LINGO2: variants seen among roughly 807,000 people sequenced by gnomAD.
LINGO2 encodes leucine-rich repeat and immunoglobulin-like domain-containing nogo receptor-interacting protein 2.
Under a neutral mutation model 30.6 loss-of-function variants are expected in LINGO2, and 14 were observed. The observed-to-expected ratio is 0.46, with a 90% CI of 0.30 to 0.72. LINGO2 has a LOEUF of 0.72. Among genes scored for constraint, LINGO2 ranks in the 30% least tolerant of loss-of-function variants. The pLI, the probability that LINGO2 is intolerant of heterozygous loss-of-function variation, is 0.07. For synonymous variants in LINGO2, 317 were observed against 288.5 expected, an observed-to-expected ratio of 1.10 and a Z score of -1.00; for missense variants, 729 against 751.7, an observed-to-expected ratio of 0.97 and a Z score of 0.35.
At chr9:29,183,969 T>C in the LINGO2 span, among the ~76,000 whole-genome samples, 1 of 152,080 alleles carries the variant, frequency 6.6e-6, no homozygotes, top group Non-Finnish European at 1.5e-5. Context: ...ATATTTAACA[T>C]CCGGAGTGCT....
intron 1 of LINGO2, among the ~76,000 whole-genome samples, chr9:28,492,968 G>T (rs994514190): frequency 6.6e-6 from 1 of 152,102 alleles, no homozygotes; most frequent in African/African-American, 2.4e-5. Context: ...TATTTTATTG[G>T]TGTAGGTACA....
intron 3 of LINGO2, among the ~76,000 whole-genome samples, chr9:28,346,092 A>G (rs1310852133): frequency 2.0e-5 from 3 of 152,198 alleles, no homozygotes; most frequent in Non-Finnish European, 4.4e-5. Context: ...GTTCAGGGGT[A>G]CATGTGCAGG....
In LINGO2 at chr9:28,662,621, T is replaced by C. The variant is rs146917655; in HGVS notation, c.-365+7579A>G. On this transcript the variant is annotated intron_variant, in intron 1 of 5. Transcript: ENST00000379992. ...TAATATATTGTTCTTATCTATTGTG[T>C]GATCTTAGGCAACTTAATCTCTTTA... Among the ~76,000 whole-genome samples the C allele has an allele frequency of 4.4e-3, 674 of 152,312 alleles. 5 individuals are homozygous for C. The highest frequency in any genetic ancestry group is 0.011 in the African/African-American group (478 of 41,572).
At chr9:28,612,734 G>A (rs771642221) in intron 1 of LINGO2, among the ~76,000 whole-genome samples, 5 of 152,090 alleles carry the variant, frequency 3.3e-5, no homozygotes, top group African/African-American at 7.2e-5. Context: ...TGAGACTTTG[G>A]ACTTGGACTT....
chr9:28,046,154 T>C (rs1371410829), intron 4 of LINGO2, among the ~76,000 whole-genome samples: 3 of 152,204 alleles, frequency 2.0e-5, no homozygotes, highest in Non-Finnish European at 2.9e-5. Context: ...ACTTTTTAAA[T>C]GAGATCCTTT....
At chr9:28,517,111 T>G (rs1820647339) in intron 1 of LINGO2, among the ~76,000 whole-genome samples, 1 of 152,244 alleles carries the variant, frequency 6.6e-6, no homozygotes, top group South Asian at 2.1e-4. Flanking sequence ...TTAAGCTGAT[T>G]AAGTAAGAAC....
At chr9:29,153,206 G>T in the LINGO2 span, among the ~76,000 whole-genome samples, 78 of 151,958 alleles carry the variant, frequency 5.1e-4, no homozygotes, top group African/African-American at 1.8e-3. Flanking sequence ...TTTATTTTTA[G>T]CTTACTTTTA....
chr9:28,430,590 G>C (rs1217686233), intron 2 of LINGO2, among the ~76,000 whole-genome samples: 1 of 151,968 alleles, frequency 6.6e-6, no homozygotes, highest in African/African-American at 2.4e-5. Flanking sequence ...AAATAGATAT[G>C]ACTTCTTTTG....
At chr9:28,377,225 TGCCCG>T (rs1239489834) in intron 2 of LINGO2, among the ~76,000 whole-genome samples, 1 of 152,162 alleles carries the variant, frequency 6.6e-6, no homozygotes, top group African/African-American at 2.4e-5. Context: ...GCCTCTGCCA[TGCCCG>T]AGAGAGCAAG....
At chr9:28,992,578 A>C in the LINGO2 span, among the ~76,000 whole-genome samples, 1 of 152,116 alleles carries the variant, frequency 6.6e-6, no homozygotes, top group African/African-American at 2.4e-5. Context: ...TCAGCACCAC[A>C]CCACACCTAT....
At chr9:28,544,495 C>T (rs1490763210) in intron 1 of LINGO2, among the ~76,000 whole-genome samples, 1 of 152,050 alleles carries the variant, frequency 6.6e-6, no homozygotes, top group Non-Finnish European at 1.5e-5. Flanking sequence ...CACTCATGTT[C>T]ATGACTTCTG....
intron 4 of LINGO2, among the ~76,000 whole-genome samples, chr9:28,178,264 C>A (rs949901768): frequency 6.6e-6 from 1 of 152,034 alleles, no homozygotes; most frequent in Admixed American, 6.6e-5. Flanking sequence ...GACTTAGAGA[C>A]GGTAGCGTAT....
chr9:28,422,304 C>G (rs1823227586), intron 2 of LINGO2, among the ~76,000 whole-genome samples: 1 of 151,924 alleles, frequency 6.6e-6, no homozygotes, highest in South Asian at 2.1e-4. Context: ...TAAATAATTC[C>G]TACAACTCAA....
At chr9:28,467,069 T>A (rs1388598637) in intron 2 of LINGO2, among the ~76,000 whole-genome samples, 4 of 150,602 alleles carry the variant, frequency 2.7e-5, no homozygotes, top group Admixed American at 6.6e-5. Context: ...TCTGTTGCCC[T>A]GGCTAGAGTG....
chr9:28,125,126 C>A (rs1827201835), intron 4 of LINGO2, among the ~76,000 whole-genome samples: 1 of 152,172 alleles, frequency 6.6e-6, no homozygotes, highest in Admixed American at 6.5e-5. Context: ...ATATATTCTT[C>A]AGCAAAACAC....
Position 28,555,945 on chromosome 9 carries a change from G to A in LINGO2, c.-364-79920C>T, listed in dbSNP as rs1020081547. 6.5e-3 allele frequency among the ~76,000 whole-genome samples: 987 copies of A among 152,028 alleles called. 5 individuals are homozygous for A. The highest frequency in any genetic ancestry group is 9.4e-3 in the African/African-American group (392 of 41,518). ...AAAAGGCCTTTGACAAAATTCAACA[G>A]CCCTTCATGCTAAAAACTCTCAATA... is the stretch of plus-strand genomic sequence containing the variant. On this transcript the variant is annotated intron_variant, in intron 1 of 5. Transcript: ENST00000379992.
At chr9:28,004,638 C>A (rs1822169281) in intron 5 of LINGO2, among the ~76,000 whole-genome samples, 1 of 151,476 alleles carries the variant, frequency 6.6e-6, no homozygotes, top group African/African-American at 2.4e-5. Context: ...TTTTTTTTCC[C>A]CAGAGTTTGA....
chr9:28,656,167 C>CA (rs1828329478), intron 1 of LINGO2, among the ~76,000 whole-genome samples: 2 of 151,744 alleles, frequency 1.3e-5, no homozygotes, highest in Admixed American at 6.6e-5. Flanking sequence ...AATACTAAAA[C>CA]AAAAAATGAA....
chr9:28,396,568 G>A (rs1037064883), intron 2 of LINGO2, among the ~76,000 whole-genome samples: 2 of 151,878 alleles, frequency 1.3e-5, no homozygotes, highest in Admixed American at 6.6e-5. Flanking sequence ...GCCGGGCATG[G>A]TGGCGGGCAC....
Sources: allele counts gnomAD v4.1 joint callset (sites outside exome capture counted in the v4.1 genomes callset), GRCh38; gene constraint gnomAD v4.1.1; transcripts MANE v1.5; gene names NCBI Gene and HGNC (gene_info 2026-07-23, HGNC 2026-07-21).